The following CROCC variants were observed in gnomAD, a reference collection of about 807,000 sequenced individuals.
CROCC encodes rootletin.
A neutral mutation model predicts 245.2 loss-of-function variants in CROCC; 180 were observed. That is an observed-to-expected ratio of 0.73 (90% CI 0.65 to 0.83). The LOEUF (loss-of-function observed/expected upper bound fraction) is 0.83, where lower values mean the gene tolerates loss of function less well. CROCC is among the 40% of genes least tolerant of loss of function. CROCC has a pLI of 0.00. For missense variants in CROCC, 2,688 were observed against 2,779.4 expected (o/e 0.97, Z 0.74); for synonymous variants, 1,205 against 1,241.6 (o/e 0.97, Z 0.62).
In CROCC at chr1:16,968,912, T is replaced by C. The variant is rs377469637; in HGVS notation, c.5077-204T>C. 1.9e-3 allele frequency: 1,283 copies of C among 659,786 alleles called. 21 individuals are homozygous for C. The highest frequency in any genetic ancestry group is 0.017 in the South Asian group (1,002 of 57,688). 40.9% of individuals were successfully genotyped at this position (659,786 alleles called of 1,614,324 possible). A position where few individuals can be genotyped will look rare whatever the true frequency, so the allele number is the denominator to read the frequency against. ...AGGTTGATGGCACTCTGGGCACTAG[T>C]AGTTAGCCAGCAATGGGATGGGGCC... is the stretch of plus-strand genomic sequence containing the variant. On this transcript the variant is annotated intron_variant, in intron 31 of 36. Transcript: ENST00000375541.
Position 16,946,260 on chromosome 1 carries a change from C to T in CROCC, c.2138C>T (p.Ala713Val). ...KAEVAEALTK[A>V]EAGRVELELS... ...ATTTCTCGGGGCCTGACCCTGCAGG[C>T]TGAGGCTGGCCGCGTGGAGCTCGAG... is the stretch of plus-strand genomic sequence containing the variant. The change falls in exon 16 of 37, where the codon GCT (alanine) becomes GTT (valine). Residue 713 changes from alanine (A) to valine (V), a missense_variant and splice_region_variant. Coordinates refer to ENST00000375541, the MANE Select transcript of CROCC (RefSeq NM_014675.5). 1 of 1,612,540 alleles carries T rather than the reference C, an allele frequency of 6.2e-7. No individual in the cohort carries two copies. Among genetic ancestry groups the T allele is most frequent in the Non-Finnish European group, 8.5e-7 (1 of 1,179,524 alleles).
intron 14 of CROCC, 38 bp downstream of exon 14, chr1:16,944,320 A>G: frequency 6.7e-7 from 1 of 1,488,160 alleles, no homozygotes; most frequent in Non-Finnish European, 9.0e-7. Context: ...GACCCTTCAG[A>G]TGTGCCTCGG....
chr1:16,952,480 G>A (rs1347672752), intron 20 of CROCC, among the ~76,000 whole-genome samples: 3 of 150,130 alleles, frequency 2.0e-5, no homozygotes, highest in Non-Finnish European at 4.4e-5. Flanking sequence ...GCAAGACTCC[G>A]TCTAAAAAAA....
In CROCC at chr1:16,939,951, C is replaced by T. The variant is rs145876741; in HGVS notation, c.1666C>T (p.Leu556Phe). 515 of 1,612,442 alleles carry T rather than the reference C, an allele frequency of 3.2e-4. No individual in the cohort carries two copies. The African/African-American group carries it at 6.0e-3, about 19-fold the overall frequency. ...CCTACTGGGCACCCTGCGGAAGCAG[C>T]TTAGCGACAGCGAGAGCGAGCGGCG... ...QDLLGTLRKQ[L>F]SDSESERRAL... The change falls in exon 13 of 37, where the codon CTT becomes TTT. Residue 556 changes from leucine to phenylalanine, a missense_variant. This residue lies in a region of CROCC where 972 missense variants were observed against 895.3 expected (regional missense o/e 1.09). Coordinates refer to ENST00000375541, the MANE Select transcript of CROCC (RefSeq NM_014675.5).
Position 16,930,566 on chromosome 1 carries a change from G to A in CROCC, c.821G>A (p.Arg274Gln), listed in dbSNP as rs148225787. 9.9e-6 allele frequency: 16 copies of A among 1,611,826 alleles called. No individual in the cohort carries two copies. The highest frequency in any genetic ancestry group is 4.5e-5 in the East Asian group (2 of 44,896). Residue 274 changes from arginine to glutamine, a missense_variant, in exon 7 of 37, where the codon CGG (arginine) becomes CAG (glutamine). Arg to Gln is a conservative substitution (Grantham distance 43, BLOSUM62 1). Coordinates refer to ENST00000375541, the MANE Select transcript of CROCC (RefSeq NM_014675.5). ...WTRCRKELEH[R>Q]EAAWRREEES... ...CGCTGCCGCAAGGAGCTGGAGCACCGGGAGGCGGCGTGGAGGCGCGAGGAG... is the reference window on the plus strand; with the variant it reads ...CGCTGCCGCAAGGAGCTGGAGCACCAGGAGGCGGCGTGGAGGCGCGAGGAG...
At chr1:16,939,180 G>GC in intron 12 of CROCC, 38 bp downstream of exon 12, 1 of 1,401,094 alleles carries the variant, frequency 7.1e-7, no homozygotes, top group East Asian at 2.8e-5. Flanking sequence ...GCAGCCAGAG[G>GC]CCTGGGGGAG....
At chr1:16,968,472 C>T (rs372352685) in intron 31 of CROCC, 54 bp downstream of exon 31, 2 of 1,431,096 alleles carry the variant, frequency 1.4e-6, no homozygotes, top group African/African-American at 2.9e-5. Flanking sequence ...GTGCCAAGAG[C>T]TTTGTAGGCA....
intron 3 of CROCC, among the ~76,000 whole-genome samples, chr1:16,926,186 A>G (rs1282106742): frequency 2.6e-5 from 4 of 152,236 alleles, no homozygotes; most frequent in East Asian, 3.9e-4. Flanking sequence ...TCCTCTATCC[A>G]CCATGGTTTG....
chr1:16,956,012 T>G lies in CROCC; in HGVS notation c.3720T>G (p.Asn1240Lys). Residue 1240 changes from asparagine to lysine, a missense_variant, in exon 25 of 37, where the codon AAT (asparagine) becomes AAG (lysine). Transcript: ENST00000375541. ...ESERISLKLA[N>K]EDKEQKLALL... ...CCCTCTCCAGCCTGAAGCTTGCCAA[T>G]GAGGACAAGGAGCAGAAGCTGGCAC... 6.4e-7 allele frequency: 1 copy of G among 1,550,606 alleles called. No homozygotes were observed. Among genetic ancestry groups the G allele is most frequent in the Non-Finnish European group, 8.7e-7 (1 of 1,146,990 alleles).
In CROCC at chr1:16,927,918, T is replaced by C. The variant is rs2075572702; in HGVS notation, c.352-1928T>C. ...GTAGTCACAGTTAGCTCCTCCCTAT[T>C]GGTGGGGCTGCCATGCACGTGTCCC... On this transcript the variant is annotated intron_variant, in intron 3 of 36. Transcript: ENST00000375541. Among the ~76,000 whole-genome samples the C allele has an allele frequency of 2.0e-5, 3 of 152,384 alleles. No individual in the cohort carries two copies. In the South Asian group the frequency reaches 6.2e-4, roughly 32 times the overall value.
At position 16,956,113 on chromosome 1, in the gene CROCC, C is replaced by T. The variant is rs2076247094; in HGVS notation, c.3821C>T (p.Ser1274Leu). 2 of 1,550,170 alleles carry T rather than the reference C, an allele frequency of 1.3e-6. No homozygotes were observed. Among genetic ancestry groups the T allele is most frequent in the South Asian group, 2.4e-5 (2 of 83,990 alleles). Residue 1274 changes from serine to leucine, a missense_variant, in exon 25 of 37, where the codon TCA (serine) becomes TTA (leucine). Ser to Leu is a moderately radical substitution (Grantham distance 145, BLOSUM62 -2). Around this residue, in one of 9 missense-constraint regions of CROCC, gnomAD observed 1,218 missense variants for 1,286.3 expected, o/e 0.95. Coordinates refer to ENST00000375541, the MANE Select transcript of CROCC (RefSeq NM_014675.5). ...LRTGLQEVER[S>L]RLEARRELQE... ...ACTGGGCTGCAGGAGGTGGAGCGCT[C>T]ACGGCTGGAGGCTCGGCGGGAGCTG... is the stretch of plus-strand genomic sequence containing the variant.
At chr1:16,965,923 A>T (rs1289091524) in intron 28 of CROCC, 31 bp downstream of exon 28, 1 of 1,605,774 alleles carries the variant, frequency 6.2e-7, no homozygotes, top group Non-Finnish European at 8.5e-7. Context: ...CTGGATGGGG[A>T]ACCTGGAGGG....
In CROCC at chr1:16,931,492, C is replaced by A. The variant is rs535170128; in HGVS notation, c.956+95C>A. The A allele has an allele frequency of 9.0e-6, 11 of 1,217,030 alleles. No individual in the cohort carries two copies. In the South Asian group the frequency reaches 1.4e-4, roughly 15 times the overall value. 75.4% of individuals were successfully genotyped at this position (1,217,030 alleles called of 1,614,324 possible). On this transcript the variant is annotated intron_variant, in intron 8 of 36. Transcript: ENST00000375541. The stretch of plus-strand genomic sequence containing the variant: ...TTGAATTTCAGTTCAACTCAACGCA[C>A]TTACTGTGCACAAGGGCCGGTGAGG...
rs1036627821 is a variant in CROCC, at chr1:16,939,795, C to T, written c.1609-99C>T. 526 of 1,419,654 alleles carry T rather than the reference C, an allele frequency of 3.7e-4. No individual in the cohort carries two copies. In the Middle Eastern group the frequency reaches 4.0e-3, roughly 11 times the overall value. The allele number at this position is 1,419,654 out of a possible 1,614,324, so 87.9% of individuals were successfully genotyped here. The stretch of plus-strand genomic sequence containing the variant: ...GGCCAGGTCCAGGCCCTGGACCCCG[C>T]CTAGCGTAGGCTAGTGTGTATCCCT... On this transcript the variant is annotated intron_variant, in intron 12 of 36. Coordinates refer to ENST00000375541, the MANE Select transcript of CROCC (RefSeq NM_014675.5).
At chr1:16,960,143 T>C (rs567965835) in intron 26 of CROCC, among the ~76,000 whole-genome samples, 4 of 152,250 alleles carry the variant, frequency 2.6e-5, no homozygotes, top group Admixed American at 1.3e-4. Context: ...GGTGCTCACC[T>C]GTAATCCCAG....
chr1:16,949,022 G>A (rs2100477766), intron 19 of CROCC, 96 bp downstream of exon 19: 1 of 1,498,104 alleles, frequency 6.7e-7, no homozygotes, highest in Admixed American at 2.1e-5. Context: ...GAGCACTGGA[G>A]TAGGAGTCTG....
intron 7 of CROCC, 31 bp downstream of exon 7, chr1:16,930,625 G>T (rs1467454197): frequency 1.3e-6 from 2 of 1,585,694 alleles, no homozygotes; most frequent in South Asian, 2.3e-5. Context: ...AGGCCAGCCT[G>T]ACCCAAGAGG....
intron 8 of CROCC, among the ~76,000 whole-genome samples, chr1:16,933,628 A>T (rs6656916): frequency 1.3e-5 from 2 of 151,872 alleles, no homozygotes; most frequent in Admixed American, 6.6e-5. Flanking sequence ...GTGAAGTGGC[A>T]CGATCTTGGC....
At chr1:16,938,083 C>T (rs548622962) in intron 10 of CROCC, among the ~76,000 whole-genome samples, 14 of 152,272 alleles carry the variant, frequency 9.2e-5, no homozygotes, top group Non-Finnish European at 1.8e-4. Context: ...CTAGCTGCCC[C>T]CCACCCCCAC....
Sources: gnomAD v4.1 joint callset for allele counts (sites outside exome capture counted in the v4.1 genomes callset) on GRCh38, gnomAD v4.1.1 for gene constraint, gnomAD v4.1.1 regional missense constraint, MANE v1.5 for transcripts, NCBI Gene and HGNC (gene_info 2026-07-23, HGNC 2026-07-21) for gene names.